WDR4: variants seen among roughly 807,000 people sequenced by gnomAD.
WDR4 encodes WDR4 tRNA N7-guanosine methyltransferase non-catalytic subunit.
A neutral mutation model predicts 48.6 loss-of-function variants in WDR4; 47 were observed. The observed-to-expected ratio is 0.97, with a 90% CI of 0.77 to 1.23. The LOEUF is 1.23. WDR4 is among the 50% of genes most tolerant of loss of function. The probability of loss-of-function intolerance (pLI) is 0.00; values close to 1 mark genes in which losing one functional copy is unlikely to be tolerated. For missense variants in WDR4, 606 were observed against 551.6 expected, an observed-to-expected ratio of 1.10 and a Z score of -0.99; for synonymous variants, 268 against 230.0, an observed-to-expected ratio of 1.17 and a Z score of -1.49.
rs372808994 is a variant in WDR4 at position 42,879,462 on chromosome 21, G to A, written c.34C>T (p.Gln12Ter). 1 of 1,613,654 alleles carries A rather than the reference G, an allele frequency of 6.2e-7. No individual in the cohort carries two copies. The highest frequency in any genetic ancestry group is 8.5e-7 in the Non-Finnish European group (1 of 1,179,880). Reference sequence around the variant, plus strand: ...CTGCCGCCCCGCACCACCAACGTCTGCCCGCACAACGCCAGTCCCACAGAG... The same window carrying A: ...CTGCCGCCCCGCACCACCAACGTCTACCCGCACAACGCCAGTCCCACAGAG... ...AGSVGLALCGQTLVVRGGSRF... is the reference protein window; with the variant it reads ...AGSVGLALCG The change falls in exon 1 of 11, where the codon CAG becomes TAG. Residue 12 changes from glutamine to a stop codon, truncating the protein, a stop_gained. Coordinates refer to ENST00000398208, the MANE Select transcript of WDR4 (RefSeq NM_018669.6). LOFTEE classifies it high-confidence loss of function.
downstream of WDR4, among the ~76,000 whole-genome samples, chr21:42,847,563 C>T (rs553479573): frequency 1.3e-5 from 2 of 152,324 alleles, no homozygotes; most frequent in African/African-American, 2.4e-5. Context: ...TGGAGAGACG[C>T]GGCCCCGTGA....
At chr21:42,855,827 G>A (rs766890242) in intron 6 of WDR4, 47 bp from the exon 7 acceptor site, 35 of 1,449,618 alleles carry the variant, frequency 2.4e-5, no homozygotes, top group Middle Eastern at 1.8e-4. Context: ...TGGGGCTTCC[G>A]TCAGGTAGGG....
the WDR4 span, among the ~76,000 whole-genome samples, chr21:42,887,345 C>T: frequency 2.7e-5 from 4 of 150,454 alleles, no homozygotes; most frequent in Non-Finnish European, 5.9e-5. Context: ...CTCACTATTG[C>T]CCAATCTGGT....
chr21:42,878,919 G>A, intron 1 of WDR4: 1 of 980,638 alleles, frequency 1.0e-6, no homozygotes, highest in Non-Finnish European at 1.2e-6. Context: ...AGAGGGAACA[G>A]ACAACCCTGC....
chr21:42,869,564 G>A (rs1486099567), intron 3 of WDR4, among the ~76,000 whole-genome samples: 3 of 152,096 alleles, frequency 2.0e-5, no homozygotes, highest in African/African-American at 7.2e-5. Flanking sequence ...GCCATGTTGA[G>A]AGCCACACTT....
the WDR4 span, among the ~76,000 whole-genome samples, chr21:42,889,983 G>A: frequency 2.6e-5 from 4 of 152,264 alleles, no homozygotes; most frequent in African/African-American, 4.8e-5. Context: ...TTAGGAGGCC[G>A]AGGTGGGAAG....
chr21:42,882,146 C>G (rs1036178154), upstream of WDR4, among the ~76,000 whole-genome samples: 20 of 151,648 alleles, frequency 1.3e-4, 2 homozygotes, highest in Non-Finnish European at 1.5e-5. Flanking sequence ...CTGCCCGCCT[C>G]GGCCTCCCAA....
chr21:42,879,008 C>A, intron 1 of WDR4: 1 of 1,020,018 alleles, frequency 9.8e-7, no homozygotes, highest in Non-Finnish European at 1.2e-6. Flanking sequence ...GACCCGAGAC[C>A]CGCTTCTTCC....
chr21:42,851,335 A>G (rs765985068), intron 10 of WDR4, among the ~76,000 whole-genome samples: 30 of 152,040 alleles, frequency 2.0e-4, no homozygotes, highest in Non-Finnish European at 3.7e-4. Context: ...AACCCTCAAC[A>G]TCCTAAGCAA....
intron 2 of WDR4, 81 bp from the exon 3 acceptor site, chr21:42,873,772 C>G (rs2058427840): frequency 6.5e-7 from 1 of 1,532,942 alleles, no homozygotes; most frequent in African/African-American, 1.4e-5. Flanking sequence ...GTGGTAATTT[C>G]TAACATGGGA....
chr21:42,846,751 G>A (rs1425164184), downstream of WDR4, among the ~76,000 whole-genome samples: 1 of 152,150 alleles, frequency 6.6e-6, no homozygotes, highest in African/African-American at 2.4e-5. Context: ...ATTGGGTGCA[G>A]TGGCTGACAC....
At chr21:42,867,205 A>C (rs1000164003) in intron 3 of WDR4, among the ~76,000 whole-genome samples, 20 of 152,312 alleles carry the variant, frequency 1.3e-4, no homozygotes, top group African/African-American at 4.8e-4. Context: ...AGCCTGGCCA[A>C]CATGGCAAAA....
downstream of WDR4, among the ~76,000 whole-genome samples, chr21:42,848,320 C>T (rs563310135): frequency 4.7e-5 from 7 of 150,076 alleles, no homozygotes; most frequent in South Asian, 6.3e-4. Context: ...TCACATGCAG[C>T]GCACGGTCAC....
chr21:42,845,635 C>T (rs897434586), downstream of WDR4, among the ~76,000 whole-genome samples: 3 of 152,206 alleles, frequency 2.0e-5, no homozygotes, highest in African/African-American at 7.2e-5. Context: ...CAAAACTCCA[C>T]ACCACACACT....
chr21:42,850,235 G>C lies in WDR4; in HGVS notation c.1053C>G (p.Ala351=). The C allele has an allele frequency of 6.3e-7, 1 of 1,592,684 alleles. No homozygotes were observed. The highest frequency in any genetic ancestry group is 1.8e-5 in the Admixed American group (1 of 55,938). The change falls in exon 11 of 11, where the codon GCC becomes GCG. Residue 351 remains alanine, a synonymous_variant. Coordinates refer to ENST00000398208, the MANE Select transcript of WDR4 (RefSeq NM_018669.6). The stretch of plus-strand genomic sequence containing the variant: ...GACTGCTGAAGCTGGCGTCTGCGCC[G>C]GCAGAGCCTGTGATGGGGGAACAAG... The part of the protein sequence containing the change: ...RGNWAMLEGS[A]GADASFSSLY...
chr21:42,859,804 T>A (rs1457504224), intron 5 of WDR4, 82 bp from the exon 6 acceptor site: 1 of 1,400,174 alleles, frequency 7.1e-7, no homozygotes, highest in African/African-American at 1.4e-5. Context: ...CGCCTGTTCA[T>A]CTAAGGAAGA....
intron 1 of WDR4, 126 bp downstream of exon 1, chr21:42,879,281 G>A: frequency 1.4e-6 from 2 of 1,412,348 alleles, no homozygotes; most frequent in South Asian, 1.5e-5. Context: ...CTCGTGGGCT[G>A]GAGCGGAGTT....
Position 42,873,683 on chromosome 21 carries a change from GC to G in WDR4, c.163del (p.Ala55ArgfsTer24), listed in dbSNP as rs1569335343. ...CGCACCGCTCCCCTGGTCCAAGGGCGCGTCCTCCCTGAGGAAGAGAGGAGGA... is the reference window on the plus strand; with the variant it reads ...CGCACCGCTCCCCTGGTCCAAGGGCGGTCCTCCCTGAGGAAGAGAGGAGGA... The part of the protein sequence containing the change: ...KKSQENKGED[A>X]PLDQGSGAIL... On this transcript the variant is annotated frameshift_variant, in exon 3 of 11. Coordinates refer to ENST00000398208, the MANE Select transcript of WDR4 (RefSeq NM_018669.6). LOFTEE classifies it high-confidence loss of function. 6.2e-7 allele frequency: 1 copy of G among 1,613,744 alleles called. No homozygotes were observed. The highest frequency in any genetic ancestry group is 2.2e-5 in the East Asian group (1 of 44,886).
At chr21:42,854,391 C>T (rs2057928052) in intron 8 of WDR4, among the ~76,000 whole-genome samples, 171 bp downstream of exon 8, 1 of 152,198 alleles carries the variant, frequency 6.6e-6, no homozygotes, top group Admixed American at 6.5e-5. Context: ...GAGCCCTCAC[C>T]CTCATGCAGC....
Sources: allele counts gnomAD v4.1 joint callset (sites outside exome capture counted in the v4.1 genomes callset), GRCh38; gene constraint gnomAD v4.1.1; transcripts MANE v1.5; gene names NCBI Gene and HGNC (gene_info 2026-07-23, HGNC 2026-07-21).